Variants in MSI2 observed in about 807,000 individuals in gnomAD.
MSI2 encodes musashi RNA binding protein 2.
A neutral mutation model predicts 45.6 loss-of-function variants in MSI2; 17 were observed. That is an observed-to-expected ratio of 0.37 (90% CI 0.26 to 0.56). The LOEUF (loss-of-function observed/expected upper bound fraction) is 0.56, where lower values mean the gene tolerates loss of function less well. Among genes scored for constraint, MSI2 ranks in the 20% least tolerant of loss-of-function variants. The pLI is 0.77. For missense variants in MSI2, 293 were observed against 444.2 expected (o/e 0.66, Z 3.06); for synonymous variants, 156 against 158.2 (o/e 0.99, Z 0.11).
At position 57,419,488 on chromosome 17, in the gene MSI2, G is replaced by A. The variant is rs573803845; in HGVS notation, c.405+18017G>A. ...AGCGATTCTCCTGCCTCAGCCTCCC[G>A]AGTAGCTGGGATTACAGGTGCTCAT... is the stretch of plus-strand genomic sequence containing the variant. On this transcript the variant is annotated intron_variant, in intron 6 of 13. Transcript: ENST00000284073. Among the ~76,000 whole-genome samples the A allele has an allele frequency of 7.9e-5, 12 of 151,328 alleles. No individual in the cohort carries two copies. The South Asian group carries it at 1.0e-3, about 13-fold the overall frequency.
chr17:57,433,096 C>T (rs1337144469), intron 6 of MSI2, among the ~76,000 whole-genome samples: 1 of 152,124 alleles, frequency 6.6e-6, no homozygotes, highest in Non-Finnish European at 1.5e-5. Context: ...ATCAGTGCTG[C>T]CACCTCCCTT....
chr17:57,347,117 C>T (rs1915675061), intron 5 of MSI2, among the ~76,000 whole-genome samples: 1 of 152,068 alleles, frequency 6.6e-6, no homozygotes, highest in Admixed American at 6.6e-5. Flanking sequence ...GAAAATTTCC[C>T]AGCACTCTAC....
At chr17:57,549,724 T>C (rs1296342505) in intron 7 of MSI2, among the ~76,000 whole-genome samples, 1 of 152,182 alleles carries the variant, frequency 6.6e-6, no homozygotes, top group Non-Finnish European at 1.5e-5. Flanking sequence ...ACACAGCCAG[T>C]AGGAGGTGGA....
Position 57,256,550 on chromosome 17 carries a change from C to T in MSI2, c.-193C>T, listed in dbSNP as rs1327159954. 8.5e-6 allele frequency: 3 copies of T among 351,096 alleles called. No individual in the cohort carries two copies. Among genetic ancestry groups the T allele is most frequent in the Non-Finnish European group, 1.5e-5 (3 of 201,328 alleles). 21.7% of individuals were successfully genotyped at this position (351,096 alleles called of 1,614,324 possible). Reference sequence around the variant, plus strand: ...GCGAGGCAGCGGGGCTGAGCTAAGCCGAGCCCACGTGTGACGGCTCTCGCC... The same window carrying T: ...GCGAGGCAGCGGGGCTGAGCTAAGCTGAGCCCACGTGTGACGGCTCTCGCC... On this transcript the variant is annotated 5_prime_UTR_variant, in exon 1 of 14. Coordinates refer to ENST00000284073, the MANE Select transcript of MSI2 (RefSeq NM_138962.4).
intron 5 of MSI2, among the ~76,000 whole-genome samples, chr17:57,336,489 A>G (rs1339872148): frequency 6.6e-6 from 1 of 152,164 alleles, no homozygotes; most frequent in African/African-American, 2.4e-5. Context: ...TAGTTAAATC[A>G]CCTGTGTTAC....
intron 7 of MSI2, among the ~76,000 whole-genome samples, chr17:57,532,701 C>T (rs985100456): frequency 2.6e-5 from 4 of 152,208 alleles, no homozygotes; most frequent in East Asian, 1.9e-4. Flanking sequence ...TTCACCTCCT[C>T]GGTTCCTGCT....
intron 6 of MSI2, among the ~76,000 whole-genome samples, chr17:57,504,175 T>A (rs1237421084): frequency 6.6e-6 from 1 of 152,156 alleles, no homozygotes; most frequent in African/African-American, 2.4e-5. Flanking sequence ...GGCATTGCCC[T>A]CTCGGTTCCG....
At chr17:57,347,662 C>T (rs1348659259) in intron 5 of MSI2, among the ~76,000 whole-genome samples, 1 of 152,090 alleles carries the variant, frequency 6.6e-6, no homozygotes, top group Non-Finnish European at 1.5e-5. Context: ...GGATTTCTAC[C>T]CCCCTGAAAG....
chr17:57,320,543 G>A (rs536786003), intron 5 of MSI2, among the ~76,000 whole-genome samples: 1 of 152,294 alleles, frequency 6.6e-6, no homozygotes, highest in East Asian at 1.9e-4. Flanking sequence ...TCACTAGTTT[G>A]CAGAGTGCTT....
chr17:57,550,075 G>T (rs62058103), intron 7 of MSI2, among the ~76,000 whole-genome samples: 1 of 152,148 alleles, frequency 6.6e-6, no homozygotes, highest in South Asian at 2.1e-4. Context: ...CCCCATCCCC[G>T]CCTTAGTTGT....
intron 7 of MSI2, among the ~76,000 whole-genome samples, chr17:57,574,864 T>C (rs911629097): frequency 1.4e-5 from 2 of 143,560 alleles, no homozygotes; most frequent in East Asian, 2.1e-4. Context: ...GGAGTCTCGC[T>C]CTGTCGCCCA....
chr17:57,366,430 C>T (rs1050776480), intron 5 of MSI2, among the ~76,000 whole-genome samples: 2 of 152,234 alleles, frequency 1.3e-5, no homozygotes, highest in African/African-American at 2.4e-5. Flanking sequence ...TAATTCATAA[C>T]TCTGACCACA....
intron 5 of MSI2, among the ~76,000 whole-genome samples, chr17:57,364,355 C>T (rs1156869644): frequency 2.6e-5 from 4 of 152,164 alleles, no homozygotes; most frequent in East Asian, 1.9e-4. Context: ...TCTGGAAATG[C>T]GCTTGGCTCC....
At chr17:57,624,396 T>A (rs554704024) in intron 9 of MSI2, among the ~76,000 whole-genome samples, 8 of 152,168 alleles carry the variant, frequency 5.3e-5, no homozygotes, top group African/African-American at 9.7e-5. Context: ...TAGCAGGTGA[T>A]TAATTTGGAG....
At chr17:57,606,657 G>A (rs1218003630) in intron 8 of MSI2, among the ~76,000 whole-genome samples, 2 of 152,058 alleles carry the variant, frequency 1.3e-5, no homozygotes. Context: ...ACACCCAGCC[G>A]CTGCTTGGTA....
chr17:57,514,650 CTTTTTTTTTTT>C (rs11318524), intron 6 of MSI2, among the ~76,000 whole-genome samples: 1 of 135,324 alleles, frequency 7.4e-6, no homozygotes, highest in African/African-American at 2.8e-5. Context: ...TGAATTGATA[CTTTTTTTTTTT>C]TTTTTTTTTT....
chr17:57,400,954 C>T (rs2083978129), intron 5 of MSI2, among the ~76,000 whole-genome samples: 1 of 152,140 alleles, frequency 6.6e-6, no homozygotes, highest in Admixed American at 6.5e-5. Context: ...GCGTAGACAG[C>T]CTGTGCGTAC....
At chr17:57,426,817 C>T (rs372806705) in intron 6 of MSI2, among the ~76,000 whole-genome samples, 1 of 152,136 alleles carries the variant, frequency 6.6e-6, no homozygotes, top group Admixed American at 6.5e-5. Flanking sequence ...TTCACAGAAC[C>T]TTTATTTCAA....
chr17:57,290,809 G>A (rs1434965460), intron 5 of MSI2, among the ~76,000 whole-genome samples: 1 of 152,196 alleles, frequency 6.6e-6, no homozygotes, highest in East Asian at 1.9e-4. Context: ...ATATAACCTG[G>A]TGGCTCCTTC....
Sources: allele counts gnomAD v4.1 joint callset (sites outside exome capture counted in the v4.1 genomes callset), GRCh38; gene constraint gnomAD v4.1.1; transcripts MANE v1.5; gene names NCBI Gene and HGNC (gene_info 2026-07-23, HGNC 2026-07-21).